Variants in CCSER1 observed in about 807,000 individuals in gnomAD.
CCSER1 encodes the protein coiled-coil serine rich protein 1, also known as serine-rich coiled-coil domain-containing protein 1.
CCSER1 carries 41 observed loss-of-function variants against 82.0 expected under a neutral mutation model. The observed-to-expected ratio is 0.50, with a 90% CI of 0.39 to 0.65. The LOEUF (loss-of-function observed/expected upper bound fraction) is 0.65. CCSER1 is among the 30% of genes least tolerant of loss of function. CCSER1 has a pLI of 0.00. For missense variants in CCSER1, 1,119 were observed against 1,064.2 expected (o/e 1.05, Z -0.72); for synonymous variants, 414 against 383.9 (o/e 1.08, Z -0.92).
At chr4:90,335,672 A>G (rs191535924) in intron 3 of CCSER1, among the ~76,000 whole-genome samples, 142 of 152,344 alleles carry the variant, frequency 9.3e-4, no homozygotes, top group Non-Finnish European at 1.7e-3. Context: ...AGTTTATTAT[A>G]TATCAAAACT....
rs573010569 is a variant in CCSER1, at chr4:90,597,314, C to T, written c.1725-30711C>T. ...ACTAATTGGTATTATGAGTTCCCAA[C>T]TGAACATGTGTTATTATATAACTGC... On this transcript the variant is annotated intron_variant, in intron 5 of 10. Transcript: ENST00000509176. 5.9e-5 allele frequency among the ~76,000 whole-genome samples: 9 copies of T among 152,098 alleles called. No homozygotes were observed. In the South Asian group the frequency reaches 1.2e-3, roughly 21 times the overall value.
At chr4:90,622,310 T>G (rs1722462566) in intron 5 of CCSER1, among the ~76,000 whole-genome samples, 1 of 152,212 alleles carries the variant, frequency 6.6e-6, no homozygotes, top group African/African-American at 2.4e-5. Flanking sequence ...AGGGTACATG[T>G]GCACAACGTG....
chr4:90,568,189 G>A (rs1779631695), intron 5 of CCSER1, among the ~76,000 whole-genome samples: 2 of 152,186 alleles, frequency 1.3e-5, no homozygotes, highest in African/African-American at 4.8e-5. Flanking sequence ...AGTTGATCTA[G>A]ATTATATTTT....
Position 90,973,967 on chromosome 4 carries a change from A to T in CCSER1, c.2172+50520A>T, listed in dbSNP as rs556771876. 9.9e-5 allele frequency among the ~76,000 whole-genome samples: 15 copies of T among 151,722 alleles called. No individual in the cohort carries two copies. In the South Asian group the frequency reaches 3.1e-3, roughly 31 times the overall value. ...AGTGAAGTAAGCCAGACACAGAAAG[A>T]TAAATACTGCATGATCTCACTCATA... On this transcript the variant is annotated intron_variant, in intron 9 of 10. Transcript: ENST00000509176.
chr4:91,075,492 A>T, intron 9 of CCSER1, among the ~76,000 whole-genome samples: 1 of 152,278 alleles, frequency 6.6e-6, no homozygotes, highest in South Asian at 2.1e-4. Context: ...GTGGATTTTA[A>T]ATCAATTAAA....
At chr4:90,510,201 G>A (rs1459231903) in intron 5 of CCSER1, among the ~76,000 whole-genome samples, 1 of 152,116 alleles carries the variant, frequency 6.6e-6, no homozygotes, top group East Asian at 1.9e-4. Context: ...TACCAATAAC[G>A]TCATGCATTT....
intron 7 of CCSER1, among the ~76,000 whole-genome samples, chr4:90,767,076 A>T (rs922988640): frequency 6.6e-6 from 1 of 152,220 alleles, no homozygotes; most frequent in Non-Finnish European, 1.5e-5. Flanking sequence ...GTATCATTCA[A>T]ACTTGGAAAC....
At chr4:90,289,220 T>C (rs1308465151) in intron 1 of CCSER1, among the ~76,000 whole-genome samples, 1 of 151,944 alleles carries the variant, frequency 6.6e-6, no homozygotes, top group Non-Finnish European at 1.5e-5. Context: ...TCAAATAAGC[T>C]AAATATGTGG....
intron 8 of CCSER1, among the ~76,000 whole-genome samples, chr4:90,837,123 G>A (rs1025483505): frequency 6.6e-6 from 1 of 152,200 alleles, no homozygotes; most frequent in South Asian, 2.1e-4. Context: ...AGGAAAAACA[G>A]TATTATAGAT....
intron 3 of CCSER1, among the ~76,000 whole-genome samples, chr4:90,368,510 G>A (rs952628306): frequency 4.0e-5 from 6 of 151,778 alleles, no homozygotes; most frequent in African/African-American, 1.5e-4. Flanking sequence ...GTGTGCACCT[G>A]TAGTCTTAGC....
chr4:90,452,012 C>A (rs2153578751), intron 4 of CCSER1, among the ~76,000 whole-genome samples: 1 of 152,248 alleles, frequency 6.6e-6, no homozygotes, highest in East Asian at 1.9e-4. Flanking sequence ...ATGTTAACTG[C>A]TTTCCCCTTG....
intron 10 of CCSER1, among the ~76,000 whole-genome samples, chr4:91,532,089 G>T (rs1409333270): frequency 6.6e-6 from 1 of 152,164 alleles, no homozygotes; most frequent in Non-Finnish European, 1.5e-5. Flanking sequence ...GCAGAATGGA[G>T]AATGTCAAGA....
intron 1 of CCSER1, among the ~76,000 whole-genome samples, chr4:90,304,651 G>T (rs762768162): frequency 2.6e-5 from 4 of 152,086 alleles, no homozygotes; most frequent in Admixed American, 1.3e-4. Flanking sequence ...ACTGTTGTGG[G>T]GTGGGGAGAG....
At chr4:90,348,321 C>G (rs1434079985) in intron 3 of CCSER1, among the ~76,000 whole-genome samples, 1 of 152,146 alleles carries the variant, frequency 6.6e-6, no homozygotes, top group African/African-American at 2.4e-5. Flanking sequence ...TTTTTCTACT[C>G]TCATAAAATA....
intron 9 of CCSER1, among the ~76,000 whole-genome samples, chr4:90,974,360 GTATACA>G (rs1269895290): frequency 0.021 from 3,139 of 148,226 alleles, 125 homozygotes; most frequent in African/African-American, 0.07. Context: ...ACATTACATT[GTATACA>G]TATCTCAAAA....
intron 10 of CCSER1, among the ~76,000 whole-genome samples, chr4:91,544,930 C>A (rs993973459): frequency 6.6e-6 from 1 of 152,116 alleles, no homozygotes; most frequent in African/African-American, 2.4e-5. Context: ...GGCAGGCAGG[C>A]CTCCTTGAGA....
intron 10 of CCSER1, among the ~76,000 whole-genome samples, chr4:91,197,415 T>A (rs2149060579): frequency 6.6e-6 from 1 of 152,358 alleles, no homozygotes; most frequent in African/African-American, 2.4e-5. Flanking sequence ...AAGAATCCCC[T>A]GAACCTGCCC....
At chr4:91,505,835 A>G (rs1759453567) in intron 10 of CCSER1, among the ~76,000 whole-genome samples, 1 of 152,224 alleles carries the variant, frequency 6.6e-6, no homozygotes, top group South Asian at 2.1e-4. Flanking sequence ...GATTCTAGAT[A>G]TTAGAACTTT....
At chr4:90,166,596 C>T (rs1730503306) in intron 1 of CCSER1, among the ~76,000 whole-genome samples, 1 of 151,826 alleles carries the variant, frequency 6.6e-6, no homozygotes, top group Admixed American at 6.6e-5. Context: ...AATAAAATGC[C>T]TATATAAGTT....
Sources: allele counts gnomAD v4.1 joint callset (sites outside exome capture counted in the v4.1 genomes callset), GRCh38; gene constraint gnomAD v4.1.1; transcripts MANE v1.5; gene names NCBI Gene and HGNC (gene_info 2026-07-23, HGNC 2026-07-21).